The following COMT variants were observed in gnomAD, a reference collection of about 807,000 sequenced individuals.
The protein encoded by COMT is catechol O-methyltransferase.
Under a neutral mutation model 18.9 loss-of-function variants are expected in COMT, and 13 were observed. The observed-to-expected ratio is 0.69, with a 90% CI of 0.45 to 1.09. The LOEUF is 1.09. COMT is among the 50% of genes least tolerant of loss of function. The pLI is 0.00. For synonymous variants in COMT, 150 were observed against 160.9 expected (o/e 0.93, Z 0.51); for missense variants, 329 against 361.8 (o/e 0.91, Z 0.73).
chr22:19,950,327 C>T (rs1446023083), intron 1 of COMT, among the ~76,000 whole-genome samples: 1 of 146,218 alleles, frequency 6.8e-6, no homozygotes, highest in East Asian at 2.1e-4. Context: ...TCAAGTGATC[C>T]ACTTACCTTG....
chr22:19,953,001 TA>T (rs397832162), intron 1 of COMT, among the ~76,000 whole-genome samples: 394 of 37,470 alleles, frequency 0.011, 3 homozygotes, highest in African/African-American at 0.03. Context: ...AATAAATAAA[TA>T]AATAAAATGA....
At chr22:19,964,704 G>A (rs1241194939) in intron 5 of COMT, 1 of 532,946 alleles carries the variant, frequency 1.9e-6, no homozygotes, top group African/African-American at 1.9e-5. Context: ...GAAAGCATGT[G>A]TCTCCTGCAG....
intron 1 of COMT, chr22:19,942,126 G>A (rs902640892): frequency 3.4e-6 from 1 of 298,234 alleles, no homozygotes; most frequent in Non-Finnish European, 6.2e-6. Context: ...GACTCCTTGT[G>A]GAAAGCTGAG....
At chr22:19,957,584 TAG>T (rs1942091858) in intron 1 of COMT, among the ~76,000 whole-genome samples, 1 of 152,244 alleles carries the variant, frequency 6.6e-6, no homozygotes, top group Non-Finnish European at 1.5e-5. Context: ...TCATGCTCTT[TAG>T]AGCCAGAGGT....
rs562533906 is a variant in COMT, at chr22:19,963,408, C to T, written c.290-158C>T. 4.0e-5 allele frequency: 32 copies of T among 806,658 alleles called. No individual in the cohort carries two copies. In the South Asian group the frequency reaches 5.2e-4, roughly 13 times the overall value. 50.0% of individuals were successfully genotyped at this position (806,658 alleles called of 1,614,324 possible). ...TGGGGACACCAGGGAGGTGAAATAC[C>T]CCTCCAGCGGGTAGGGAGGGTGGGC... On this transcript the variant is annotated intron_variant, in intron 3 of 5. Coordinates refer to ENST00000361682, the MANE Select transcript of COMT (RefSeq NM_000754.4).
intron 1 of COMT, among the ~76,000 whole-genome samples, chr22:19,946,948 C>T (rs1260957238): frequency 1.5e-5 from 2 of 129,846 alleles, no homozygotes; most frequent in East Asian, 4.6e-4. Flanking sequence ...CAGAGTCCCA[C>T]TGTGTTGCTC....
intron 5 of COMT, among the ~76,000 whole-genome samples, chr22:19,966,584 GCATGCACCACTA>G (rs1259919890): frequency 6.6e-6 from 1 of 151,062 alleles, no homozygotes; most frequent in Non-Finnish European, 1.5e-5. Flanking sequence ...AGGACTAAAG[GCATGCACCACTA>G]CACCTGGCTA....
intron 5 of COMT, chr22:19,967,067 G>C: frequency 1.6e-6 from 2 of 1,221,330 alleles, no homozygotes; most frequent in Non-Finnish European, 2.1e-6. Flanking sequence ...TTCCCCTCTT[G>C]ACCAGTTTCG....
rs760406990 is a variant in COMT at position 19,941,844 on chromosome 22, C to G, written c.-145C>G. 1.3e-6 allele frequency: 2 copies of G among 1,481,900 alleles called. No homozygotes were observed. The highest frequency in any genetic ancestry group is 1.8e-6 in the Non-Finnish European group (2 of 1,125,614). 91.8% of individuals were successfully genotyped at this position (1,481,900 alleles called of 1,614,324 possible). ...GGGGCAGCTAGGGCTGCCCGCCGCG[C>G]TGCCTGCGCCGGACCGGGGCGGGTC... On this transcript the variant is annotated 5_prime_UTR_variant, in exon 1 of 6. Coordinates refer to ENST00000361682, the MANE Select transcript of COMT (RefSeq NM_000754.4).
chr22:19,968,507 A>G (rs1387453684), intron 5 of COMT, 29 bp from the exon 6 acceptor site: 2 of 1,606,868 alleles, frequency 1.2e-6, no homozygotes, highest in Non-Finnish European at 1.7e-6. Flanking sequence ...TCTGACCCTC[A>G]CCTCCCCCAC....
intron 2 of COMT, chr22:19,962,276 G>A (rs1569132318): frequency 1.7e-6 from 1 of 594,894 alleles, no homozygotes; most frequent in Non-Finnish European, 3.0e-6. Context: ...GCCAGGGAGT[G>A]TGACCCTGCA....
At position 19,958,070 on chromosome 22, in the gene COMT, T is replaced by C. The variant is rs147840245; in HGVS notation, c.-91-3129T>C. ...GGTATACACCTAGGAGTAGAATTGC[T>C]GGGTCATATGGTAGTTCTATTTTAA... On this transcript the variant is annotated intron_variant, in intron 1 of 5. Transcript: ENST00000361682. 4.1e-3 allele frequency among the ~76,000 whole-genome samples: 631 copies of C among 152,294 alleles called. 2 individuals are homozygous for C. Among genetic ancestry groups the C allele is most frequent in the Non-Finnish European group, 6.8e-3 (462 of 68,030 alleles).
At position 19,964,310 on chromosome 22, in the gene COMT, A is replaced by C. The variant is rs776281173; in HGVS notation, c.615+11A>C. On this transcript the variant is annotated intron_variant, in intron 5 of 5. Coordinates refer to ENST00000361682, the MANE Select transcript of COMT (RefSeq NM_000754.4). The stretch of plus-strand genomic sequence containing the variant: ...ACGCTTCTCTTGGAGGTGAGCCCCA[A>C]CCAGGATGGCATCCGTGCCAGCTGC... 6.2e-7 allele frequency: 1 copy of C among 1,613,792 alleles called. No individual in the cohort carries two copies. Among genetic ancestry groups the C allele is most frequent in the Non-Finnish European group, 8.5e-7 (1 of 1,180,034 alleles).
intron 1 of COMT, among the ~76,000 whole-genome samples, chr22:19,953,517 A>G (rs1011073837): frequency 6.6e-6 from 1 of 151,540 alleles, no homozygotes; most frequent in African/African-American, 2.4e-5. Context: ...ATGGTCTCCA[A>G]CTCCAGACCT....
At chr22:19,947,422 C>T (rs1353355970) in intron 1 of COMT, among the ~76,000 whole-genome samples, 1 of 152,068 alleles carries the variant, frequency 6.6e-6, no homozygotes, top group East Asian at 1.9e-4. Flanking sequence ...GAATGCCAGG[C>T]TGCGCTGTTA....
chr22:19,944,273 C>A (rs1480489555), intron 1 of COMT, among the ~76,000 whole-genome samples: 3 of 152,180 alleles, frequency 2.0e-5, no homozygotes, highest in South Asian at 4.1e-4. Context: ...AGGCCGGGCC[C>A]GGTGGCTCAT....
intron 5 of COMT, chr22:19,965,162 AG>A (rs1232214611): frequency 6.4e-6 from 1 of 155,276 alleles, no homozygotes; most frequent in East Asian, 1.9e-4. Context: ...AGAATGTTCC[AG>A]GAACAATGGG....
chr22:19,968,460 G>T, intron 5 of COMT, 76 bp from the exon 6 acceptor site: 1 of 1,429,632 alleles, frequency 7.0e-7, no homozygotes, highest in Non-Finnish European at 9.7e-7. Flanking sequence ...CTAGTGAGGA[G>T]CACCCATCCT....
chr22:19,943,525 C>G (rs892314685), intron 1 of COMT, among the ~76,000 whole-genome samples: 19 of 151,932 alleles, frequency 1.3e-4, no homozygotes, highest in African/African-American at 4.4e-4. Flanking sequence ...GCCTATAGTT[C>G]CAGCTACTTG....
Sources: gnomAD v4.1 joint callset for allele counts (sites outside exome capture counted in the v4.1 genomes callset) on GRCh38, gnomAD v4.1.1 for gene constraint, MANE v1.5 for transcripts, NCBI Gene and HGNC (gene_info 2026-07-23, HGNC 2026-07-21) for gene names.